LUC7L: variants seen among roughly 807,000 people sequenced by gnomAD.
LUC7L encodes the protein LUC7 like.
LUC7L carries 29 observed loss-of-function variants against 51.1 expected under a neutral mutation model. The observed-to-expected ratio is 0.57, with a 90% CI of 0.42 to 0.77. The LOEUF (loss-of-function observed/expected upper bound fraction) is 0.77. Among genes scored for constraint, LUC7L ranks in the 30% least tolerant of loss-of-function variants. LUC7L has a pLI of 0.00. For missense variants in LUC7L, 403 were observed against 511.9 expected (o/e 0.79, Z 2.05); for synonymous variants, 181 against 180.7 (o/e 1.00, Z -0.01).
Position 229,376 on chromosome 16 carries a change from C to A in LUC7L, c.-37G>T. The A allele has an allele frequency of 6.7e-7, 1 of 1,483,182 alleles. No individual in the cohort carries two copies. 91.9% of individuals were successfully genotyped at this position (1,483,182 alleles called of 1,614,324 possible). The stretch of plus-strand genomic sequence containing the variant: ...GAGGCGACGGGGTCGGCCGCGACGA[C>A]TTCTCTCAGGCAGGCGGTGGCAGCG... On this transcript the variant is annotated 5_prime_UTR_variant, in exon 1 of 10. Coordinates refer to ENST00000293872, the MANE Select transcript of LUC7L (RefSeq NM_201412.3).
At chr16:229,248 G>GA in intron 1 of LUC7L, 31 bp downstream of exon 1, 1 of 1,528,658 alleles carries the variant, frequency 6.5e-7, no homozygotes, top group Non-Finnish European at 8.7e-7. Flanking sequence ...TCCCACCCCA[G>GA]ACCCTCGCCT....
In LUC7L at chr16:198,977, G is replaced by T. The variant is rs914325759; in HGVS notation, c.687+85C>A. On this transcript the variant is annotated intron_variant, in intron 6 of 9. Transcript: ENST00000293872. ...TTATAGGCATCAGCCACCACGCCCG[G>T]CCAAAACATAAGGTTTTTAAAAATT... The T allele has an allele frequency of 7.2e-6, 10 of 1,386,504 alleles. No individual in the cohort carries two copies. In the East Asian group the frequency reaches 2.2e-4, roughly 30 times the overall value. The allele number at this position is 1,386,504 out of a possible 1,614,324, so 85.9% of individuals were successfully genotyped here. A position where few individuals can be genotyped will look rare whatever the true frequency, so the allele number is the denominator to read the frequency against.
chr16:189,903 G>C, intron 9 of LUC7L, 65 bp downstream of exon 9: 1 of 1,560,400 alleles, frequency 6.4e-7, no homozygotes. Flanking sequence ...GCCCTCAGCA[G>C]ACCCTGGGAA....
At chr16:203,274 T>TACTG (rs1189162355) in intron 5 of LUC7L, among the ~76,000 whole-genome samples, 2 of 152,222 alleles carry the variant, frequency 1.3e-5, no homozygotes, top group Non-Finnish European at 2.9e-5. Context: ...CAGATGGGTT[T>TACTG]ACTGGTGAAT....
intron 2 of LUC7L, among the ~76,000 whole-genome samples, chr16:224,875 T>C (rs2050085433): frequency 6.6e-6 from 1 of 152,006 alleles, no homozygotes. Flanking sequence ...CACTTACTTT[T>C]CAATGTGAGA....
intron 5 of LUC7L, 138 bp downstream of exon 5, chr16:205,866 G>A: frequency 1.0e-6 from 1 of 961,764 alleles, no homozygotes; most frequent in East Asian, 2.5e-5. Context: ...TGGGATGACA[G>A]GCGTGAGCCA....
chr16:206,306 T>C (rs945306637), intron 4 of LUC7L, among the ~76,000 whole-genome samples, 159 bp from the exon 5 acceptor site: 6 of 152,228 alleles, frequency 3.9e-5, no homozygotes, highest in Non-Finnish European at 8.8e-5. Context: ...GCATTGAGAC[T>C]GTAACCATAA....
intron 3 of LUC7L, among the ~76,000 whole-genome samples, chr16:218,352 C>T (rs1339175769): frequency 1.3e-5 from 2 of 152,274 alleles, no homozygotes; most frequent in East Asian, 3.9e-4. Flanking sequence ...GCATCAAACC[C>T]CTCTACTAAC....
intron 3 of LUC7L, among the ~76,000 whole-genome samples, chr16:211,869 T>C (rs2049650330): frequency 6.6e-6 from 1 of 152,144 alleles, no homozygotes; most frequent in South Asian, 2.1e-4. Context: ...TTACCAGCTC[T>C]CCCGGCCCAG....
intron 2 of LUC7L, among the ~76,000 whole-genome samples, chr16:226,281 G>A (rs1171185398): frequency 6.6e-6 from 1 of 152,104 alleles, no homozygotes. Context: ...TTTAACATAT[G>A]CACATTTCAT....
Position 200,100 on chromosome 16 carries a change from C to T in LUC7L, c.511-862G>A, listed in dbSNP as rs147510871. ...GGCCAGGAGTTCAAGACGAGCCTGG[C>T]AACATAGCAAAACCCTGTCTCTACT... On this transcript the variant is annotated intron_variant, in intron 5 of 9. Coordinates refer to ENST00000293872, the MANE Select transcript of LUC7L (RefSeq NM_201412.3). Among the ~76,000 whole-genome samples the T allele has an allele frequency of 3.6e-3, 544 of 151,992 alleles. 1 individual carries two copies. Among genetic ancestry groups the T allele is most frequent in the Middle Eastern group, 0.01 (3 of 294 alleles).
chr16:224,762 G>C (rs2050079445), intron 2 of LUC7L, among the ~76,000 whole-genome samples: 1 of 152,026 alleles, frequency 6.6e-6, no homozygotes. Flanking sequence ...GAACCCAGGA[G>C]ACAGAGGTTG....
At chr16:193,138 T>C (rs1240588613) in intron 6 of LUC7L, 123 bp from the exon 7 acceptor site, 2 of 800,640 alleles carry the variant, frequency 2.5e-6, no homozygotes, top group Non-Finnish European at 4.3e-6. Context: ...GGGACACTTT[T>C]AGGAAATGGG....
chr16:195,572 C>T (rs1567173934), intron 6 of LUC7L, among the ~76,000 whole-genome samples: 1 of 152,196 alleles, frequency 6.6e-6, no homozygotes, highest in Non-Finnish European at 1.5e-5. Context: ...TACAGGCACA[C>T]ACCACCATGC....
chr16:229,351 G>C lies in LUC7L; in HGVS notation c.-12C>G. ...GCCTGGGCGGACATGGTAGCCGGCGGAGGCGACGGGGTCGGCCGCGACGAC... is the reference window on the plus strand; with the variant it reads ...GCCTGGGCGGACATGGTAGCCGGCGCAGGCGACGGGGTCGGCCGCGACGAC... On this transcript the variant is annotated 5_prime_UTR_variant, in exon 1 of 10. Transcript: ENST00000293872. 1 of 1,497,672 alleles carries C rather than the reference G, an allele frequency of 6.7e-7. No homozygotes were observed. The highest frequency in any genetic ancestry group is 8.9e-7 in the Non-Finnish European group (1 of 1,126,384). 92.8% of individuals were successfully genotyped at this position (1,497,672 alleles called of 1,614,324 possible). A position where few individuals can be genotyped will look rare whatever the true frequency, so the allele number is the denominator to read the frequency against.
chr16:195,749 T>G (rs921224087), intron 6 of LUC7L, among the ~76,000 whole-genome samples: 1 of 152,028 alleles, frequency 6.6e-6, no homozygotes, highest in African/African-American at 2.4e-5. Flanking sequence ...TTAAAAAAAT[T>G]AAGGATTAGC....
chr16:225,217 G>T (rs1309468943), intron 2 of LUC7L, among the ~76,000 whole-genome samples: 1 of 152,132 alleles, frequency 6.6e-6, no homozygotes, highest in African/African-American at 2.4e-5. Context: ...GCCGGGCGCA[G>T]TGTCTCATGC....
chr16:189,333 G>T lies in LUC7L; in HGVS notation c.981C>A (p.Ser327=). ...SRDRSAKYKF[S]RERASREESW... ...ACTCCTCTCTGGATGCCCGCTCTCT[G>T]GAGAACCTGGGAAATGGGAACCAGA... is the stretch of plus-strand genomic sequence containing the variant. The change falls in exon 10 of 10, where the codon TCC becomes TCA. Residue 327 remains serine (S), a synonymous_variant. Coordinates refer to ENST00000293872, the MANE Select transcript of LUC7L (RefSeq NM_201412.3). 1 of 1,607,790 alleles carries T rather than the reference G, an allele frequency of 6.2e-7. No individual in the cohort carries two copies. Among genetic ancestry groups the T allele is most frequent in the African/African-American group, 1.3e-5 (1 of 74,920 alleles).
In LUC7L at chr16:229,419, T is replaced by C. The variant is rs2050218142; in HGVS notation, c.-80A>G. ...TGGCAGCGGCGTCGACAAACGATGGTCGCGTCGGCCTCGAGCCCACTCGGC... is the reference window on the plus strand; with the variant it reads ...TGGCAGCGGCGTCGACAAACGATGGCCGCGTCGGCCTCGAGCCCACTCGGC... On this transcript the variant is annotated 5_prime_UTR_variant, in exon 1 of 10. Transcript: ENST00000293872. 3.1e-6 allele frequency: 4 copies of C among 1,299,462 alleles called. No homozygotes were observed. The highest frequency in any genetic ancestry group is 4.1e-6 in the Non-Finnish European group (4 of 979,314). The allele number at this position is 1,299,462 out of a possible 1,614,324, so 80.5% of individuals were successfully genotyped here.
Sources: allele counts gnomAD v4.1 joint callset (sites outside exome capture counted in the v4.1 genomes callset), GRCh38; gene constraint gnomAD v4.1.1; transcripts MANE v1.5; gene names NCBI Gene and HGNC (gene_info 2026-07-23, HGNC 2026-07-21).